EPHA4: variants seen among roughly 807,000 people sequenced by gnomAD.
The protein encoded by EPHA4 is ephrin type-A receptor 4.
A neutral mutation model predicts 108.3 loss-of-function variants in EPHA4; 19 were observed. The observed-to-expected ratio is 0.18, with a 90% confidence interval of 0.12 to 0.26. EPHA4 has a LOEUF of 0.26. Ranked by LOEUF, EPHA4 falls within the 10% of genes least tolerant of loss-of-function variation. EPHA4 has a pLI of 1.00. For missense variants in EPHA4, 917 were observed against 1,254.0 expected (o/e 0.73, Z 4.06); for synonymous variants, 449 against 455.5 (o/e 0.99, Z 0.18).
chr2:221,421,256 C>T (rs1429940895), intron 17 of EPHA4, among the ~76,000 whole-genome samples: 1 of 151,302 alleles, frequency 6.6e-6, no homozygotes, highest in Non-Finnish European at 1.5e-5. Flanking sequence ...GCCGAGACAG[C>T]GCCACTGCTC....
At chr2:221,491,121 C>G (rs1467820210) in intron 4 of EPHA4, among the ~76,000 whole-genome samples, 1 of 152,154 alleles carries the variant, frequency 6.6e-6, no homozygotes, top group Non-Finnish European at 1.5e-5. Context: ...ATTCTCCTCT[C>G]CAGTGATCTT....
chr2:221,550,416 GGGGAGAGAGAGAGAGA>G (rs904325964), intron 3 of EPHA4, among the ~76,000 whole-genome samples: 1 of 130,638 alleles, frequency 7.7e-6, no homozygotes, highest in Admixed American at 7.4e-5. Context: ...GATGAGGAAA[GGGGAGAGAGAGAGAGA>G]GAGAGAGAGA....
At chr2:221,540,669 C>T (rs1023141346) in intron 3 of EPHA4, among the ~76,000 whole-genome samples, 5 of 152,202 alleles carry the variant, frequency 3.3e-5, no homozygotes, top group African/African-American at 1.2e-4. Context: ...CCAGTCCCTG[C>T]AACTGGATAA....
intron 11 of EPHA4, among the ~76,000 whole-genome samples, chr2:221,441,775 G>A (rs370095663): frequency 4.6e-5 from 7 of 152,136 alleles, no homozygotes; most frequent in African/African-American, 1.7e-4. Context: ...CGGTGGCCAA[G>A]CAAAACAAGT....
At chr2:221,423,620 G>A (rs1179975851) in intron 17 of EPHA4, among the ~76,000 whole-genome samples, 1 of 152,092 alleles carries the variant, frequency 6.6e-6, no homozygotes, top group Non-Finnish European at 1.5e-5. Context: ...AGAAATACCT[G>A]CTGAGCAGGA....
intron 11 of EPHA4, among the ~76,000 whole-genome samples, chr2:221,440,959 A>G (rs1463352027): frequency 1.3e-5 from 2 of 152,014 alleles, no homozygotes; most frequent in Non-Finnish European, 2.9e-5. Flanking sequence ...GCTCTCTTGC[A>G]CTCCAAACTT....
In EPHA4 at chr2:221,426,146, T is replaced by A; in HGVS notation, c.2847-4A>T. 1 of 1,612,950 alleles carries A rather than the reference T, an allele frequency of 6.2e-7. No homozygotes were observed. Among genetic ancestry groups the A allele is most frequent in the East Asian group, 2.2e-5 (1 of 44,860 alleles). ...GATACCAATTCTTGCCAGGTCCCTGTACATAGGGCGACAAAAAAGGGACAG... is the reference window on the plus strand; with the variant it reads ...GATACCAATTCTTGCCAGGTCCCTGAACATAGGGCGACAAAAAAGGGACAG... On this transcript the variant is annotated splice_polypyrimidine_tract_variant and splice_region_variant and intron_variant, in intron 16 of 17. Transcript: ENST00000281821.
chr2:221,446,922 G>C lies in EPHA4; in HGVS notation c.1716-741C>G, dbSNP rs148851619. Reference sequence around the variant, plus strand: ...TGCATTGTCTTAAACCTGGCATTCTGCTCCTACAACTTTTAATAGCCTAAA... The same window carrying C: ...TGCATTGTCTTAAACCTGGCATTCTCCTCCTACAACTTTTAATAGCCTAAA... On this transcript the variant is annotated intron_variant, in intron 8 of 17. Transcript: ENST00000281821. Among the ~76,000 whole-genome samples the C allele has an allele frequency of 3.2e-4, 49 of 152,290 alleles. 1 individual carries two copies. In the East Asian group the frequency reaches 9.2e-3, roughly 29 times the overall value.
At chr2:221,469,317 T>C (rs1691406404) in intron 5 of EPHA4, among the ~76,000 whole-genome samples, 1 of 152,044 alleles carries the variant, frequency 6.6e-6, no homozygotes, top group South Asian at 2.1e-4. Context: ...GTAATCAACC[T>C]CCAAACACAC....
chr2:221,451,499 T>C (rs750702498), intron 8 of EPHA4, among the ~76,000 whole-genome samples: 1 of 152,198 alleles, frequency 6.6e-6, no homozygotes, highest in Non-Finnish European at 1.5e-5. Flanking sequence ...TATATAAATA[T>C]ATACATGTGG....
intron 5 of EPHA4, among the ~76,000 whole-genome samples, chr2:221,477,840 C>T (rs758611933): frequency 5.9e-5 from 9 of 152,226 alleles, no homozygotes; most frequent in Non-Finnish European, 8.8e-5. Flanking sequence ...CGGAAAAGAT[C>T]TTAGAGATTA....
In EPHA4 at chr2:221,499,751, TATA is replaced by T. The variant is rs1213027093; in HGVS notation, c.979+1263_979+1265del. Among the ~76,000 whole-genome samples, 222 of 45,886 alleles carry T rather than the reference TATA, an allele frequency of 4.8e-3. 1 individual carries two copies. Among genetic ancestry groups the T allele is most frequent in the African/African-American group, 0.019 (148 of 7,672 alleles). 30.1% of individuals were successfully genotyped at this position (45,886 alleles called of 152,430 possible). On this transcript the variant is annotated intron_variant, in intron 4 of 17. Coordinates refer to ENST00000281821, the MANE Select transcript of EPHA4 (RefSeq NM_004438.5). ...ATATATATATATATATATATATATA[TATA>T]TATTTTTTTTTTTTTTTTTTGAGAC...
At chr2:221,481,590 G>T (rs1434788764) in intron 5 of EPHA4, among the ~76,000 whole-genome samples, 1 of 152,034 alleles carries the variant, frequency 6.6e-6, no homozygotes, top group African/African-American at 2.4e-5. Flanking sequence ...AGAGATGGAG[G>T]TTGCAGTGAG....
chr2:221,500,046 C>T (rs375348113), intron 4 of EPHA4, among the ~76,000 whole-genome samples: 47 of 152,010 alleles, frequency 3.1e-4, no homozygotes, highest in African/African-American at 9.9e-4. Flanking sequence ...CGTGAGCCAC[C>T]GCTCCCGGCC....
In EPHA4 at chr2:221,482,651, T is replaced by C. The variant is rs1355448455; in HGVS notation, c.1019A>G (p.Asn340Ser). The C allele has an allele frequency of 6.2e-7, 1 of 1,601,990 alleles. No homozygotes were observed. The highest frequency in any genetic ancestry group is 8.5e-7 in the Non-Finnish European group (1 of 1,169,834). The change falls in exon 5 of 18, where the codon AAC (asparagine) becomes AGC (serine). Residue 340 changes from asparagine (N) to serine (S), a missense_variant. This residue lies in a region of EPHA4 where 758 missense variants were observed against 1,076.7 expected (regional missense o/e 0.70). Transcript: ENST00000281821. ...SAPLNLISNV[N>S]ETSVNLEWSS... is the part of the protein sequence containing the mutation. Reference sequence around the variant, plus strand: ...CCATTCCAAGTTCACAGATGTCTCGTTGACATTTGAAATCAAGTTCAGGGG... The same window carrying C: ...CCATTCCAAGTTCACAGATGTCTCGCTGACATTTGAAATCAAGTTCAGGGG...
In EPHA4 at chr2:221,563,962, G is replaced by A. The variant is rs756804453; in HGVS notation, c.592C>T (p.Arg198Cys). The A allele has an allele frequency of 1.4e-5, 23 of 1,613,952 alleles. No individual in the cohort carries two copies. The highest frequency in any genetic ancestry group is 1.8e-5 in the Non-Finnish European group (21 of 1,180,036). ...VGACIALVSV[R>C]VFYKKCPLTV... Reference sequence around the variant, plus strand: ...AGTGGACACTTTTTATAGAACACACGGACTGATACCAGGGCGATGCAGGCC... The same window carrying A: ...AGTGGACACTTTTTATAGAACACACAGACTGATACCAGGGCGATGCAGGCC... The change falls in exon 3 of 18, where the codon CGT becomes TGT. Residue 198 changes from arginine to cysteine, a missense_variant. This residue lies in a region of EPHA4 where 758 missense variants were observed against 1,076.7 expected (regional missense o/e 0.70). Coordinates refer to ENST00000281821, the MANE Select transcript of EPHA4 (RefSeq NM_004438.5).
At chr2:221,488,692 G>C (rs1048216224) in intron 4 of EPHA4, among the ~76,000 whole-genome samples, 2 of 151,992 alleles carry the variant, frequency 1.3e-5, no homozygotes, top group African/African-American at 4.8e-5. Context: ...AGATACAAAG[G>C]GCTATCATAT....
chr2:221,462,684 A>G (rs552974953), intron 5 of EPHA4, among the ~76,000 whole-genome samples: 9 of 152,276 alleles, frequency 5.9e-5, no homozygotes, highest in African/African-American at 2.2e-4. Flanking sequence ...GATATTGACA[A>G]TTGGGGTGAA....
At position 221,484,584 on chromosome 2, in the gene EPHA4, A is replaced by G. The variant is rs372174009; in HGVS notation, c.980-1894T>C. Among the ~76,000 whole-genome samples the G allele has an allele frequency of 1.6e-4, 25 of 152,352 alleles. No individual in the cohort carries two copies. In the South Asian group the frequency reaches 4.8e-3, roughly 29 times the overall value. Reference sequence around the variant, plus strand: ...TTTCTTGTTTAGATTTCAAAACTGCATTTACAGTTTTTAGCATGGTAACTG... The same window carrying G: ...TTTCTTGTTTAGATTTCAAAACTGCGTTTACAGTTTTTAGCATGGTAACTG... On this transcript the variant is annotated intron_variant, in intron 4 of 17. Coordinates refer to ENST00000281821, the MANE Select transcript of EPHA4 (RefSeq NM_004438.5).
Sources: gnomAD v4.1 joint callset for allele counts (sites outside exome capture counted in the v4.1 genomes callset) on GRCh38, gnomAD v4.1.1 for gene constraint, gnomAD v4.1.1 regional missense constraint, MANE v1.5 for transcripts, NCBI Gene and HGNC (gene_info 2026-07-23, HGNC 2026-07-21) for gene names.